Variants in PZP observed in about 807,000 individuals in gnomAD.
PZP encodes pregnancy zone protein.
PZP carries 150 observed loss-of-function variants against 179.8 expected under a neutral mutation model. The ratio of observed to expected loss-of-function variants is 0.83; its 90% CI spans 0.73 to 0.96. PZP has a LOEUF of 0.96. PZP is among the 40% of genes least tolerant of loss of function. The pLI, the probability that PZP is intolerant of heterozygous loss-of-function variation, is 0.00. For synonymous variants in PZP, 624 were observed against 652.3 expected, an observed-to-expected ratio of 0.96 and a Z score of 0.66; for missense variants, 1,689 against 1,764.0, an observed-to-expected ratio of 0.96 and a Z score of 0.76.
chr12:9,166,252 A>C (rs764660194), intron 17 of PZP, 50 bp from the exon 18 acceptor site: 12 of 1,579,170 alleles, frequency 7.6e-6, no homozygotes, highest in East Asian at 4.5e-5. Context: ...CATTAATTTC[A>C]TGGTGCACAT....
At chr12:9,152,620 C>A (rs898259008) in intron 31 of PZP, among the ~76,000 whole-genome samples, 4 of 152,162 alleles carry the variant, frequency 2.6e-5, no homozygotes, top group African/African-American at 9.7e-5. Flanking sequence ...CTATACAGTT[C>A]ATTTGTTATT....
rs749302542 is a variant in PZP, at chr12:9,163,649, A to T, written c.2736+19T>A. ...TGTTGCATTCTTACAGTTGTTAGGG[A>T]CTCCCAAAAATATGTTACCTCCACC... is the stretch of plus-strand genomic sequence containing the variant. On this transcript the variant is annotated intron_variant, in intron 21 of 35. Transcript: ENST00000261336. The T allele has an allele frequency of 2.5e-6, 4 of 1,611,134 alleles. No homozygotes were observed. Among genetic ancestry groups the T allele is most frequent in the African/African-American group, 1.3e-5 (1 of 74,740 alleles).
At position 9,159,866 on chromosome 12, in the gene PZP, G is replaced by C. The variant is rs1227793535; in HGVS notation, c.3137+72C>G. 3.1e-6 allele frequency: 4 copies of C among 1,304,202 alleles called. No individual in the cohort carries two copies. The South Asian group carries it at 5.0e-5, about 16-fold the overall frequency. 80.8% of individuals were successfully genotyped at this position (1,304,202 alleles called of 1,614,324 possible). On this transcript the variant is annotated intron_variant, in intron 25 of 35. Transcript: ENST00000261336. ...TATTCTGTTATAAGCAACAGAAAAT[G>C]GACTAAGACAGGTAATCTATGTGCA...
At chr12:9,144,954 C>T (rs1244764279), downstream of PZP, among the ~76,000 whole-genome samples, 1 of 152,188 alleles carries the variant, frequency 6.6e-6, no homozygotes, top group African/African-American at 2.4e-5. Context: ...TTTAAAATGC[C>T]AGTGCTTGTC....
Position 9,203,839 on chromosome 12 carries a change from C to T in PZP, c.196G>A (p.Gly66Ser), listed in dbSNP as rs953223150. Residue 66 changes from glycine (G) to serine (S), a missense_variant, in exon 2 of 36, where the codon GGC becomes AGC. Gly to Ser is a moderately conservative substitution (Grantham distance 56). Transcript: ENST00000261336. ...TVTVSASLES[G>S]RENRSLFTDL... ...GTGAAGAGGCTCCTGTTTTCCCTGC[C>T]AGACTCCAAGGAAGCACTTACAGTC... The T allele has an allele frequency of 1.1e-5, 17 of 1,613,940 alleles. No homozygotes were observed. Among genetic ancestry groups the T allele is most frequent in the Non-Finnish European group, 1.4e-5 (16 of 1,180,006 alleles).
intron 7 of PZP, among the ~76,000 whole-genome samples, chr12:9,198,180 C>G (rs889410892): frequency 3.3e-5 from 5 of 151,502 alleles, no homozygotes; most frequent in African/African-American, 9.7e-5. Context: ...AGGACCCAAT[C>G]TCTACAAGCT....
intron 13 of PZP, among the ~76,000 whole-genome samples, chr12:9,191,517 T>C (rs1943455464): frequency 6.6e-6 from 1 of 152,164 alleles, no homozygotes; most frequent in African/African-American, 2.4e-5. Flanking sequence ...ATTTAATTTT[T>C]CCAGCTTAGC....
chr12:9,164,272 G>A lies in PZP; in HGVS notation c.2488-13C>T. 2 of 1,611,302 alleles carry A rather than the reference G, an allele frequency of 1.2e-6. No individual in the cohort carries two copies. Among genetic ancestry groups the A allele is most frequent in the South Asian group, 1.1e-5 (1 of 90,878 alleles). On this transcript the variant is annotated splice_polypyrimidine_tract_variant and intron_variant, in intron 19 of 35. Coordinates refer to ENST00000261336, the MANE Select transcript of PZP (RefSeq NM_002864.3). ...GCTGCACACTGACCTATCACCCCAT[G>A]TGAGGCAGAGACAGAAATGATCAGA...
chr12:9,164,184 A>C lies in PZP; in HGVS notation c.2563T>G (p.Cys855Gly). 6.2e-7 allele frequency: 1 copy of C among 1,610,202 alleles called. No individual in the cohort carries two copies. Among genetic ancestry groups the C allele is most frequent in the Non-Finnish European group, 8.5e-7 (1 of 1,176,446 alleles). The change falls in exon 20 of 36, where the codon TGT becomes GGT. Residue 855 changes from cysteine (C) to glycine (G), a missense_variant. Coordinates refer to ENST00000261336, the MANE Select transcript of PZP (RefSeq NM_002864.3). ...GACAAGGTTTGTCTCTCATTTCCAC[A>C]GATACAATAGGATTCTTCTCCCTTT... is the stretch of plus-strand genomic sequence containing the variant. ...NTKGEESYCI[C>G]GNERQTLSWT...
intron 31 of PZP, 94 bp downstream of exon 31, chr12:9,152,730 A>G: frequency 1.5e-6 from 2 of 1,313,456 alleles, no homozygotes; most frequent in Non-Finnish European, 2.1e-6. Context: ...AATTATATTA[A>G]TCTAATAACA....
chr12:9,189,198 C>G (rs1051102005), intron 13 of PZP, among the ~76,000 whole-genome samples: 1 of 152,076 alleles, frequency 6.6e-6, no homozygotes, highest in Non-Finnish European at 1.5e-5. Context: ...CAAGGCAATC[C>G]TAAGCAAAAA....
At chr12:9,200,515 G>T (rs1592564536) in intron 6 of PZP, 67 bp from the exon 7 acceptor site, 2 of 1,262,946 alleles carry the variant, frequency 1.6e-6, no homozygotes, top group East Asian at 2.3e-5. Flanking sequence ...AATAATTTCA[G>T]TATGTCTATA....
chr12:9,145,674 G>C (rs1939973960), downstream of PZP, among the ~76,000 whole-genome samples: 1 of 152,018 alleles, frequency 6.6e-6, no homozygotes, highest in African/African-American at 2.4e-5. Context: ...TTGCTGTTTA[G>C]TGTCCTTTTC....
rs1282321707 is a variant in PZP at position 9,200,401 on chromosome 12, T to C, written c.718A>G (p.Ile240Val). Residue 240 changes from isoleucine (I) to valine (V), a missense_variant, in exon 7 of 36, where the codon ATC becomes GTC. Ile to Val is a conservative substitution (Grantham distance 29, BLOSUM62 3). Coordinates refer to ENST00000261336, the MANE Select transcript of PZP (RefSeq NM_002864.3). ...GTTATGTTCACTTTTTCATCCATGA[T>C]ACTGATTATCTTTGGCACCTGAACT... ...VKVQVPKIISIMDEKVNITVC... is the reference protein window; with the variant it reads ...VKVQVPKIISVMDEKVNITVC... 3.7e-6 allele frequency: 6 copies of C among 1,611,268 alleles called. No homozygotes were observed. The African/African-American group carries it at 5.3e-5, about 14-fold the overall frequency.
intron 15 of PZP, among the ~76,000 whole-genome samples, chr12:9,171,757 C>G (rs545614771): frequency 6.6e-6 from 1 of 152,140 alleles, no homozygotes. Flanking sequence ...TGAAGATTAT[C>G]TATCTGAAAT....
At chr12:9,205,065 T>C (rs1286466000) in intron 1 of PZP, among the ~76,000 whole-genome samples, 5 of 152,146 alleles carry the variant, frequency 3.3e-5, no homozygotes, top group Admixed American at 3.3e-4. Flanking sequence ...ACCAGTGCTT[T>C]CAGAGTGACA....
intron 33 of PZP, 91 bp downstream of exon 33, chr12:9,151,513 G>A (rs1164040753): frequency 5.6e-6 from 6 of 1,065,804 alleles, no homozygotes; most frequent in African/African-American, 3.2e-5. Context: ...ACTAATGATT[G>A]TTTTCCTCAT....
the PZP span, among the ~76,000 whole-genome samples, chr12:9,143,790 GT>G: frequency 3.9e-5 from 6 of 152,198 alleles, no homozygotes; most frequent in Non-Finnish European, 5.9e-5. Context: ...CATAAGCCAA[GT>G]TTGGCAAGGC....
chr12:9,146,839 A>G (rs79754688), downstream of PZP, among the ~76,000 whole-genome samples: 673 of 152,332 alleles, frequency 4.4e-3, 2 homozygotes, highest in African/African-American at 0.015. Context: ...TGGACCCATC[A>G]GAACTACCTG....
Sources: gnomAD v4.1 joint callset for allele counts (sites outside exome capture counted in the v4.1 genomes callset) on GRCh38, gnomAD v4.1.1 for gene constraint, MANE v1.5 for transcripts, NCBI Gene and HGNC (gene_info 2026-07-23, HGNC 2026-07-21) for gene names.